MTMR11: variants seen among roughly 807,000 people sequenced by gnomAD.
MTMR11 encodes myotubularin-related protein 11.
Under a neutral mutation model 100.0 loss-of-function variants are expected in MTMR11, and 89 were observed. The observed-to-expected ratio is 0.89, with a 90% CI of 0.75 to 1.06. The LOEUF is 1.06. Ranked by LOEUF, MTMR11 falls within the 50% of genes least tolerant of loss-of-function variation. The pLI, the probability that MTMR11 is intolerant of heterozygous loss-of-function variation, is 0.00. For missense variants in MTMR11, 809 were observed against 873.7 expected (o/e 0.93, Z 0.93); for synonymous variants, 336 against 326.3 (o/e 1.03, Z -0.32).
In MTMR11 at chr1:149,934,276, C is replaced by T. The variant is rs782474516; in HGVS notation, c.598G>A (p.Glu200Lys). ...KPPIPLMETAEDWETERKKQA... is the reference protein window; with the variant it reads ...KPPIPLMETAKDWETERKKQA... ...TTCTTCCGCTCAGTCTCCCAGTCTTCCGCTGTCTCCATGAGAGGAATTGGT... is the reference window on the plus strand; with the variant it reads ...TTCTTCCGCTCAGTCTCCCAGTCTTTCGCTGTCTCCATGAGAGGAATTGGT... The change falls in exon 7 of 17, where the codon GAA becomes AAA. Residue 200 changes from glutamate (E) to lysine (K), a missense_variant. Coordinates refer to ENST00000439741, the MANE Select transcript of MTMR11 (RefSeq NM_001145862.2). 1.2e-6 allele frequency: 2 copies of T among 1,614,184 alleles called. No homozygotes were observed. The highest frequency in any genetic ancestry group is 1.1e-5 in the South Asian group (1 of 91,076).
chr1:149,930,883 A>G lies in MTMR11; in HGVS notation c.1373T>C (p.Phe458Ser), dbSNP rs2092649773. 6.2e-7 allele frequency: 1 copy of G among 1,613,526 alleles called. No homozygotes were observed. Among genetic ancestry groups the G allele is most frequent in the East Asian group, 2.2e-5 (1 of 44,858 alleles). Residue 458 changes from phenylalanine to serine, a missense_variant, in exon 14 of 17, where the codon TTC (phenylalanine) becomes TCC (serine). By Grantham distance (155) the Phe-to-Ser change is radical (BLOSUM62 -2). Coordinates refer to ENST00000439741, the MANE Select transcript of MTMR11 (RefSeq NM_001145862.2). The stretch of plus-strand genomic sequence containing the variant: ...GACACTGTCATGAAGAGCAAGAAGG[A>G]AAAACTCAGAGAATTCAAAATCAGC... ...FPADFEFSEF[F>S]LLALHDSVRV...
At chr1:149,931,706 A>C in intron 12 of MTMR11, 1 of 581,670 alleles carries the variant, frequency 1.7e-6, no homozygotes, top group Non-Finnish European at 3.0e-6. Flanking sequence ...CCCCAACCCC[A>C]GTCTCCATCC....
chr1:149,933,306 C>G (rs1164675769), intron 10 of MTMR11, 100 bp downstream of exon 10: 4 of 1,473,016 alleles, frequency 2.7e-6, no homozygotes, highest in Non-Finnish European at 3.7e-6. Context: ...GCTCATTGGA[C>G]TAAAGAGCTA....
rs781872294 is a variant in MTMR11 at position 149,933,371 on chromosome 1, G to A, written c.985+35C>T. On this transcript the variant is annotated intron_variant, in intron 10 of 16. Transcript: ENST00000439741. ...GGTTAGGCTCAGCAGACCTAGGGGTGAGGGTGAGGGTTAGGGGTCAAAGGT... is the reference window on the plus strand; with the variant it reads ...GGTTAGGCTCAGCAGACCTAGGGGTAAGGGTGAGGGTTAGGGGTCAAAGGT... The A allele has an allele frequency of 6.2e-6, 10 of 1,611,706 alleles. No individual in the cohort carries two copies. In the Admixed American group the frequency reaches 8.3e-5, roughly 13 times the overall value.
rs1248025273 is a variant in MTMR11 at position 149,936,795 on chromosome 1, C to G, written c.-148G>C. On this transcript the variant is annotated 5_prime_UTR_variant, in exon 1 of 17. Transcript: ENST00000439741. ...GGACACAAGGGAAAGGAGCATTTGA[C>G]GTGCACGGAGCAGAGTTTGGGGGTC... is the stretch of plus-strand genomic sequence containing the variant. 1 of 661,934 alleles carries G rather than the reference C, an allele frequency of 1.5e-6. No individual in the cohort carries two copies. The highest frequency in any genetic ancestry group is 1.9e-5 in the African/African-American group (1 of 54,050). 41.0% of individuals were successfully genotyped at this position (661,934 alleles called of 1,614,324 possible).
Position 149,935,663 on chromosome 1 carries a change from A to C in MTMR11, c.185T>G (p.Leu62Arg), listed in dbSNP as rs1207640020. Residue 62 changes from leucine to arginine, a missense_variant, in exon 3 of 17, where the codon CTG becomes CGG. Physicochemically the swap from Leu to Arg is moderately radical, Grantham distance 102. Coordinates refer to ENST00000439741, the MANE Select transcript of MTMR11 (RefSeq NM_001145862.2). Reference sequence around the variant, plus strand: ...CAGGGTTCCAGACAATTCTGGTTCCAGGCCCTTCCTCACCCCTGGGGCCCA... The same window carrying C: ...CAGGGTTCCAGACAATTCTGGTTCCCGGCCCTTCCTCACCCCTGGGGCCCA... ...LAWAPGVRKG[L>R]EPELSGTLIC... 1.9e-6 allele frequency: 3 copies of C among 1,613,772 alleles called. No homozygotes were observed. In the African/African-American group the frequency reaches 4.0e-5, roughly 22 times the overall value.
chr1:149,933,310 A>G, intron 10 of MTMR11, 96 bp downstream of exon 10: 1 of 1,473,612 alleles, frequency 6.8e-7, no homozygotes, highest in Non-Finnish European at 9.3e-7. Flanking sequence ...ATTGGACTAA[A>G]GAGCTACTCA....
rs782812623 is a variant in MTMR11, at chr1:149,936,632, G to A, written c.16C>T (p.Arg6Trp). 9.7e-6 allele frequency: 15 copies of A among 1,542,978 alleles called. No homozygotes were observed. Among genetic ancestry groups the A allele is most frequent in the South Asian group, 6.0e-5 (5 of 83,794 alleles). Reference sequence around the variant, plus strand: ...GGGGCAATGTTGAAACTCTGGCCCCGGCCCCCCCACCACATTTCTCTGGCT... The same window carrying A: ...GGGGCAATGTTGAAACTCTGGCCCCAGCCCCCCCACCACATTTCTCTGGCT... Reference protein sequence around the residue: MWWGGRGQSFNIAPQK... With the variant: MWWGGWGQSFNIAPQK... Residue 6 changes from arginine to tryptophan, a missense_variant, in exon 1 of 17, where the codon CGG becomes TGG. Transcript: ENST00000439741.
chr1:149,929,828 C>T lies in MTMR11; in HGVS notation c.1736G>A (p.Arg579Gln), dbSNP rs782431872. Residue 579 changes from arginine to glutamine, a missense_variant, in exon 16 of 17, where the codon CGG becomes CAG. Physicochemically the swap from Arg to Gln is conservative, Grantham distance 43 (BLOSUM62 1). Transcript: ENST00000439741. Reference sequence around the variant, plus strand: ...GACTGCCAGCAGGGAAGGACTGTCCCGCCAAGGACAGAGCTGATTCAGGGG... The same window carrying T: ...GACTGCCAGCAGGGAAGGACTGTCCTGCCAAGGACAGAGCTGATTCAGGGG... ...LTPLNQLCPW[R>Q]DSPSLLAVSS... 7 of 1,614,108 alleles carry T rather than the reference C, an allele frequency of 4.3e-6. No homozygotes were observed. Among genetic ancestry groups the T allele is most frequent in the South Asian group, 1.1e-5 (1 of 91,070 alleles).
Position 149,935,221 on chromosome 1 carries a change from T to G in MTMR11, c.325+78A>C, listed in dbSNP as rs975502873. The G allele has an allele frequency of 3.7e-6, 6 of 1,607,126 alleles. No individual in the cohort carries two copies. The African/African-American group carries it at 8.0e-5, about 22-fold the overall frequency. ...CCATCCCACTCCATCCCTGCTGTTT[T>G]CTGAGAACAGAGGAAGGATGAGGAG... On this transcript the variant is annotated intron_variant, in intron 4 of 16. Coordinates refer to ENST00000439741, the MANE Select transcript of MTMR11 (RefSeq NM_001145862.2).
chr1:149,935,072 G>A lies in MTMR11; in HGVS notation c.382C>T (p.Pro128Ser). The change falls in exon 5 of 17, where the codon CCT becomes TCT. Residue 128 changes from proline to serine, a missense_variant. By Grantham distance (74) the Pro-to-Ser change is moderately conservative. Transcript: ENST00000439741. The stretch of plus-strand genomic sequence containing the variant: ...CGGCCATGAATCAGAATCTCCTCAG[G>A]GATAAATTTATGCAGGGACCCTGGA... ...LRPGSLHKFI[P>S]EEILIHGRDF... 6.2e-7 allele frequency: 1 copy of A among 1,614,100 alleles called. No individual in the cohort carries two copies. The highest frequency in any genetic ancestry group is 8.5e-7 in the Non-Finnish European group (1 of 1,180,010).
rs144112147 is a variant in MTMR11 at position 149,935,326 on chromosome 1, G to C, written c.298C>G (p.Leu100Val). 1.5e-5 allele frequency: 24 copies of C among 1,613,734 alleles called. No homozygotes were observed. In the African/African-American group the frequency reaches 2.9e-4, roughly 20 times the overall value. The change falls in exon 4 of 17, where the codon CTG (leucine) becomes GTG (valine). Residue 100 changes from leucine (L) to valine (V), a missense_variant. Leu to Val is a conservative substitution (Grantham distance 32, BLOSUM62 1). Transcript: ENST00000439741. ...GCCTCTAATCGTCCAATGTTGACCAGGGCAAAATCGTATTCACTGTTCAAG... is the reference window on the plus strand; with the variant it reads ...GCCTCTAATCGTCCAATGTTGACCACGGCAAAATCGTATTCACTGTTCAAG... ...TPLNSEYDFA[L>V]VNIGRLEAVS...
In MTMR11 at chr1:149,928,993, A is replaced by G; in HGVS notation, c.*136T>C. 6.2e-7 allele frequency: 1 copy of G among 1,609,856 alleles called. No homozygotes were observed. Among genetic ancestry groups the G allele is most frequent in the South Asian group, 1.1e-5 (1 of 90,656 alleles). ...ATATTTGTAGAAACTAAGCAAGACA[A>G]GAGTTGGAGCAGTTAACACCACTAT... On this transcript the variant is annotated 3_prime_UTR_variant, in exon 17 of 17. Coordinates refer to ENST00000439741, the MANE Select transcript of MTMR11 (RefSeq NM_001145862.2).
intron 13 of MTMR11, 40 bp downstream of exon 13, chr1:149,931,219 CT>C: frequency 6.2e-7 from 1 of 1,611,314 alleles, no homozygotes; most frequent in Non-Finnish European, 8.5e-7. Flanking sequence ...CTCTTACTTC[CT>C]TAGTAATATG....
rs372576239 is a variant in MTMR11 at position 149,935,124 on chromosome 1, G to A, written c.330C>T (p.Ser110=). 1.1e-5 allele frequency: 18 copies of A among 1,613,904 alleles called. No individual in the cohort carries two copies. Among genetic ancestry groups the A allele is most frequent in the South Asian group, 2.2e-5 (2 of 91,064 alleles). The stretch of plus-strand genomic sequence containing the variant: ...GGAGGAGCTGGACTCGGGACAAGCC[G>A]CTCACTGAAGTCAAGAGGTACAGAA... The part of the protein sequence containing the change: ...LVNIGRLEAV[S]GLSRVQLLRP... The change falls in exon 5 of 17, where the codon AGC becomes AGT. Residue 110 remains serine, a synonymous_variant. Transcript: ENST00000439741.
chr1:149,935,637 T>TCAGG lies in MTMR11; in HGVS notation c.207_210dup (p.Ile71ProfsTer7), dbSNP rs782081308. On this transcript the variant is annotated frameshift_variant, in exon 3 of 17. Transcript: ENST00000439741. LOFTEE classifies it high-confidence loss of function. Reference sequence around the variant, plus strand: ...AAGGTGACCCTAAAGTTGGTACAGATCAGGGTTCCAGACAATTCTGGTTCC... The same window carrying TCAGG: ...AAGGTGACCCTAAAGTTGGTACAGATCAGGCAGGGTTCCAGACAATTCTGGTTCC... 1 of 1,614,124 alleles carries TCAGG rather than the reference T, an allele frequency of 6.2e-7. No homozygotes were observed.
intron 13 of MTMR11, 29 bp downstream of exon 13, chr1:149,931,231 C>T (rs961996358): frequency 6.2e-7 from 1 of 1,612,254 alleles, no homozygotes; most frequent in African/African-American, 1.3e-5. Context: ...TAGTAATATG[C>T]CCCCGATGCC....
At chr1:149,931,571 A>G (rs1220695071) in intron 12 of MTMR11, 145 bp from the exon 13 acceptor site, 2 of 719,476 alleles carry the variant, frequency 2.8e-6, no homozygotes, top group Non-Finnish European at 4.4e-6. Context: ...AGCACATAGA[A>G]GTGAAGAGAA....
Position 149,928,722 on chromosome 1 carries a change from G to C in MTMR11, c.*407C>G, listed in dbSNP as rs2092613473. 2 of 738,076 alleles carry C rather than the reference G, an allele frequency of 2.7e-6. No homozygotes were observed. The highest frequency in any genetic ancestry group is 1.8e-5 in the African/African-American group (1 of 56,596). The allele number at this position is 738,076 out of a possible 1,614,324, so 45.7% of individuals were successfully genotyped here. On this transcript the variant is annotated 3_prime_UTR_variant, in exon 17 of 17. Coordinates refer to ENST00000439741, the MANE Select transcript of MTMR11 (RefSeq NM_001145862.2). Reference sequence around the variant, plus strand: ...ACTACAAAAATACAGAGGAGATAGGGTGTTTCCTGTATCCGCCTCATTCCC... The same window carrying C: ...ACTACAAAAATACAGAGGAGATAGGCTGTTTCCTGTATCCGCCTCATTCCC...
Sources: gnomAD v4.1 joint callset for allele counts on GRCh38, gnomAD v4.1.1 for gene constraint, MANE v1.5 for transcripts, NCBI Gene and HGNC (gene_info 2026-07-23, HGNC 2026-07-21) for gene names.